The following DTWD2 variants were observed in gnomAD, a reference collection of about 807,000 sequenced individuals.
DTWD2 encodes tRNA-uridine aminocarboxypropyltransferase 2.
DTWD2 carries 39 observed loss-of-function variants against 31.8 expected under a neutral mutation model. That is an observed-to-expected ratio of 1.22 (90% CI 0.95 to 1.60). DTWD2 has a LOEUF of 1.60. DTWD2 is among the 40% of genes most tolerant of loss of function. The pLI, the probability that DTWD2 is intolerant of heterozygous loss-of-function variation, is 0.00. For synonymous variants in DTWD2, 180 were observed against 142.8 expected, an observed-to-expected ratio of 1.26 and a Z score of -1.86; for missense variants, 515 against 381.5, an observed-to-expected ratio of 1.35 and a Z score of -2.92.
At chr5:118,953,959 G>C (rs1027577430) in intron 1 of DTWD2, among the ~76,000 whole-genome samples, 3 of 152,148 alleles carry the variant, frequency 2.0e-5, no homozygotes, top group African/African-American at 7.2e-5. Context: ...CCAGGTCTTT[G>C]CTCCAATGCC....
intron 4 of DTWD2, among the ~76,000 whole-genome samples, chr5:118,912,568 A>G (rs2149571337): frequency 6.6e-6 from 1 of 152,116 alleles, no homozygotes; most frequent in South Asian, 2.1e-4. Flanking sequence ...ATATTGTTTT[A>G]CTCTACTGGA....
chr5:118,948,794 A>G (rs572685535), intron 1 of DTWD2, among the ~76,000 whole-genome samples: 1 of 152,282 alleles, frequency 6.6e-6, no homozygotes, highest in African/African-American at 2.4e-5. Context: ...GCTGTTTTTA[A>G]GGAAAGGAAA....
chr5:118,966,518 T>C (rs1001086187), intron 1 of DTWD2, among the ~76,000 whole-genome samples: 2 of 152,232 alleles, frequency 1.3e-5, no homozygotes, highest in African/African-American at 4.8e-5. Context: ...AAAAGATGTT[T>C]AATATTTTCT....
rs549683594 is a variant in DTWD2, at chr5:118,883,285, T to C, written c.598-35067A>G. Among the ~76,000 whole-genome samples, 3 of 152,314 alleles carry C rather than the reference T, an allele frequency of 2.0e-5. No individual in the cohort carries two copies. The East Asian group carries it at 5.8e-4, about 29-fold the overall frequency. On this transcript the variant is annotated intron_variant, in intron 4 of 5. Transcript: ENST00000510708. ...ACCTCAGCCTGGACTTCATTGTCTA[T>C]TTCATTACCAGCATTTTGGTCAAAA... is the stretch of plus-strand genomic sequence containing the variant.
At chr5:118,927,393 G>C (rs1428414699) in intron 4 of DTWD2, among the ~76,000 whole-genome samples, 1 of 151,976 alleles carries the variant, frequency 6.6e-6, no homozygotes, top group Non-Finnish European at 1.5e-5. Flanking sequence ...AAAGTTCAAC[G>C]TAATGAAATA....
At chr5:118,873,719 C>G (rs1030461471) in intron 4 of DTWD2, among the ~76,000 whole-genome samples, 1 of 152,222 alleles carries the variant, frequency 6.6e-6, no homozygotes, top group African/African-American at 2.4e-5. Flanking sequence ...TGCGCTAACC[C>G]TGACAGAGAA....
chr5:118,936,740 C>G (rs1754054592), intron 3 of DTWD2, among the ~76,000 whole-genome samples: 2 of 151,436 alleles, frequency 1.3e-5, no homozygotes, highest in South Asian at 4.2e-4. Flanking sequence ...GAAATTAAAT[C>G]CAAAGCAAGA....
chr5:118,940,470 GAGGCAATCACTT>G (rs1476294229), intron 2 of DTWD2, among the ~76,000 whole-genome samples: 2 of 152,148 alleles, frequency 1.3e-5, no homozygotes, highest in Non-Finnish European at 2.9e-5. Flanking sequence ...CCACATCCTG[GAGGCAATCACTT>G]TAACTCTTTT....
At chr5:118,894,842 T>C (rs1388399778) in intron 4 of DTWD2, among the ~76,000 whole-genome samples, 2 of 152,018 alleles carry the variant, frequency 1.3e-5, no homozygotes, top group African/African-American at 4.8e-5. Flanking sequence ...ACAAACCTGG[T>C]ACAGAAAAAA....
In DTWD2 at chr5:118,836,171, A is replaced by T. The variant is rs116782463; in HGVS notation, c.*4746T>A. On this transcript the variant is annotated 3_prime_UTR_variant, in exon 6 of 6. Transcript: ENST00000510708. Reference sequence around the variant, plus strand: ...TCTTATTCGAATAATTTTTTTAAAAAACCTTACATTAAAAAGTTTCTTTTA... The same window carrying T: ...TCTTATTCGAATAATTTTTTTAAAATACCTTACATTAAAAAGTTTCTTTTA... 4.6e-3 allele frequency among the ~76,000 whole-genome samples: 695 copies of T among 152,314 alleles called. 6 individuals are homozygous for T. Among genetic ancestry groups the T allele is most frequent in the African/African-American group, 0.016 (681 of 41,574 alleles).
rs952875655 is a variant in DTWD2, at chr5:118,947,508, A to C, written c.219-2859T>G. ...TCTAATGTCAAGCTGCTTTTCCCCA[A>C]CGTCAAACTGCAGTCCCTACCATAC... On this transcript the variant is annotated intron_variant, in intron 1 of 5. Transcript: ENST00000510708. Among the ~76,000 whole-genome samples the C allele has an allele frequency of 2.6e-5, 4 of 152,048 alleles. No homozygotes were observed. The East Asian group carries it at 7.7e-4, about 29-fold the overall frequency.
At chr5:118,940,102 A>G (rs1241930507) in intron 2 of DTWD2, among the ~76,000 whole-genome samples, 1 of 152,222 alleles carries the variant, frequency 6.6e-6, no homozygotes, top group East Asian at 1.9e-4. Context: ...AACAAAAATA[A>G]TAACTTTAGA....
At chr5:118,954,698 T>C (rs1754546717) in intron 1 of DTWD2, among the ~76,000 whole-genome samples, 1 of 152,058 alleles carries the variant, frequency 6.6e-6, no homozygotes, top group Non-Finnish European at 1.5e-5. Flanking sequence ...TTTGAATAAT[T>C]AATGTTATTT....
At chr5:118,981,167 A>G (rs989445440) in intron 1 of DTWD2, among the ~76,000 whole-genome samples, 10 of 152,230 alleles carry the variant, frequency 6.6e-5, no homozygotes, top group African/African-American at 2.4e-4. Context: ...AAAGTAGAAT[A>G]GAGGTTACCA....
At chr5:118,961,209 A>AT (rs1423236496) in intron 1 of DTWD2, among the ~76,000 whole-genome samples, 1 of 152,232 alleles carries the variant, frequency 6.6e-6, no homozygotes, top group Non-Finnish European at 1.5e-5. Context: ...TAAAACTGTG[A>AT]TGACAGTTAT....
intron 1 of DTWD2, 153 bp downstream of exon 1, chr5:118,988,141 G>A (rs1200272286): frequency 1.1e-6 from 1 of 910,934 alleles, no homozygotes; most frequent in African/African-American, 1.6e-5. Flanking sequence ...AGGTAGCTGT[G>A]CCTGGCATTT....
chr5:118,969,391 G>A lies in DTWD2; in HGVS notation c.218+18903C>T, dbSNP rs77659543. On this transcript the variant is annotated intron_variant, in intron 1 of 5. Coordinates refer to ENST00000510708, the MANE Select transcript of DTWD2 (RefSeq NM_173666.4). The stretch of plus-strand genomic sequence containing the variant: ...CCCCCTGACTGGGTGAGAACTCCCA[G>A]TAGGGGCTCCAGACACCTTCTACAG... 2.0e-4 allele frequency among the ~76,000 whole-genome samples: 31 copies of A among 152,318 alleles called. No individual in the cohort carries two copies. The East Asian group carries it at 6.0e-3, about 29-fold the overall frequency.
chr5:118,890,312 G>A (rs1447633501), intron 4 of DTWD2, among the ~76,000 whole-genome samples: 3 of 152,104 alleles, frequency 2.0e-5, no homozygotes, highest in Non-Finnish European at 4.4e-5. Context: ...TAAACAAATA[G>A]TCTTATATAT....
chr5:118,941,190 A>G (rs188752947), intron 2 of DTWD2, among the ~76,000 whole-genome samples: 3 of 152,040 alleles, frequency 2.0e-5, no homozygotes, highest in Admixed American at 2.0e-4. Context: ...ATATATTTTT[A>G]TTATACTGTA....
Sources: gnomAD v4.1 joint callset for allele counts (sites outside exome capture counted in the v4.1 genomes callset) on GRCh38, gnomAD v4.1.1 for gene constraint, MANE v1.5 for transcripts, NCBI Gene and HGNC (gene_info 2026-07-23, HGNC 2026-07-21) for gene names.